NAALADL2: variants seen among roughly 807,000 people sequenced by gnomAD.
NAALADL2 encodes inactive N-acetylated-alpha-linked acidic dipeptidase-like protein 2.
Under a neutral mutation model 87.2 loss-of-function variants are expected in NAALADL2, and 76 were observed. The ratio of observed to expected loss-of-function variants is 0.87; its 90% confidence interval spans 0.72 to 1.05. NAALADL2 has a LOEUF of 1.05. NAALADL2 is among the 50% of genes least tolerant of loss of function. The pLI is 0.00. For synonymous variants in NAALADL2, 354 were observed against 331.0 expected (o/e 1.07, Z -0.75); for missense variants, 1,089 against 945.8 (o/e 1.15, Z -1.99).
intron 5 of NAALADL2, among the ~76,000 whole-genome samples, chr3:175,423,028 A>AAAAATATATATAT (rs1438736874): frequency 9.9e-5 from 11 of 111,300 alleles, no homozygotes; most frequent in African/African-American, 4.1e-4. Flanking sequence ...GAAAAAAAAA[A>AAAAATATATATAT]ATATATATAT....
At chr3:175,112,004 C>T (rs1335831150) in intron 2 of NAALADL2, among the ~76,000 whole-genome samples, 1 of 151,548 alleles carries the variant, frequency 6.6e-6, no homozygotes, top group Non-Finnish European at 1.5e-5. Flanking sequence ...ACACAGTTTC[C>T]TCATTTTTAA....
chr3:174,465,397 A>T (rs1577967754), intron 1 of NAALADL2, among the ~76,000 whole-genome samples: 2 of 152,210 alleles, frequency 1.3e-5, no homozygotes, highest in South Asian at 4.1e-4. Flanking sequence ...CAGAGTTCGT[A>T]TTCACTTATG....
At chr3:175,780,403 A>C (rs890744296) in intron 13 of NAALADL2, among the ~76,000 whole-genome samples, 1 of 152,154 alleles carries the variant, frequency 6.6e-6, no homozygotes, top group Admixed American at 6.5e-5. Flanking sequence ...CACATATGCA[A>C]ATTTGCATAT....
At chr3:175,538,071 G>T (rs1425294850) in intron 9 of NAALADL2, among the ~76,000 whole-genome samples, 1 of 152,090 alleles carries the variant, frequency 6.6e-6, no homozygotes, top group Admixed American at 6.5e-5. Flanking sequence ...TGTTATTGTT[G>T]CCATGTGGTT....
At chr3:174,895,457 C>G (rs1364766590) in intron 1 of NAALADL2, among the ~76,000 whole-genome samples, 1 of 152,082 alleles carries the variant, frequency 6.6e-6, no homozygotes, top group Non-Finnish European at 1.5e-5. Context: ...TAGATACATG[C>G]AACCTACCAA....
intron 5 of NAALADL2, among the ~76,000 whole-genome samples, chr3:175,343,392 C>CAA (rs1409068938): frequency 1.3e-5 from 2 of 151,944 alleles, no homozygotes; most frequent in African/African-American, 4.8e-5. Flanking sequence ...TTTTTCTTAA[C>CAA]AAATTATATG....
At chr3:174,820,267 T>A (rs937880574) in intron 3 of NAALADL2, among the ~76,000 whole-genome samples, 1 of 152,148 alleles carries the variant, frequency 6.6e-6, no homozygotes, top group Non-Finnish European at 1.5e-5. Flanking sequence ...GGAAATAGAA[T>A]TAGTTGATCA....
chr3:175,662,249 T>A (rs182006769), intron 11 of NAALADL2, among the ~76,000 whole-genome samples: 1 of 152,052 alleles, frequency 6.6e-6, no homozygotes, highest in Admixed American at 6.5e-5. Flanking sequence ...TATTTATTTA[T>A]AGCGATTGTA....
intron 2 of NAALADL2, among the ~76,000 whole-genome samples, chr3:174,733,618 C>G (rs999827970): frequency 1.6e-4 from 25 of 152,186 alleles, no homozygotes; most frequent in African/African-American, 5.8e-4. Context: ...AAGGCTCTTT[C>G]TGTTACCGAA....
chr3:174,655,750 A>G (rs1724852529), intron 2 of NAALADL2, among the ~76,000 whole-genome samples: 1 of 152,232 alleles, frequency 6.6e-6, no homozygotes, highest in Non-Finnish European at 1.5e-5. Context: ...TATTAAAAAC[A>G]TACTGTCTAT....
In NAALADL2 at chr3:175,781,038, C is replaced by T. The variant is rs544421131; in HGVS notation, c.2190-21967C>T. On this transcript the variant is annotated intron_variant, in intron 13 of 13. Transcript: ENST00000454872. ...ATTTTTCTGATGAGTAATATTTTTA[C>T]TTTGAAATGTGTAATTTCAATTTGT... is the stretch of plus-strand genomic sequence containing the variant. Among the ~76,000 whole-genome samples, 6 of 152,184 alleles carry T rather than the reference C, an allele frequency of 3.9e-5. No individual in the cohort carries two copies. The South Asian group carries it at 1.2e-3, about 32-fold the overall frequency.
chr3:175,164,616 A>G (rs4894698), intron 2 of NAALADL2, among the ~76,000 whole-genome samples: 72 of 152,306 alleles, frequency 4.7e-4, no homozygotes, highest in Admixed American at 2.6e-3. Context: ...TTTGAATAAT[A>G]TTGGTCACTC....
At chr3:175,570,740 C>T (rs934941783) in intron 9 of NAALADL2, among the ~76,000 whole-genome samples, 1 of 151,820 alleles carries the variant, frequency 6.6e-6, no homozygotes, top group Non-Finnish European at 1.5e-5. Flanking sequence ...ATTAGCCGGG[C>T]GTGGTGGCGG....
intron 5 of NAALADL2, among the ~76,000 whole-genome samples, chr3:175,329,708 A>G (rs1211344685): frequency 6.6e-6 from 1 of 152,170 alleles, no homozygotes. Context: ...CAGGCTTCAG[A>G]TTTACATGTC....
chr3:175,802,328 TG>T (rs5854660), intron 13 of NAALADL2, among the ~76,000 whole-genome samples: 90 of 150,862 alleles, frequency 6.0e-4, no homozygotes, highest in African/African-American at 2.1e-3. Flanking sequence ...GATTTTTTTT[TG>T]GGGGGGGACA....
intron 3 of NAALADL2, 91 bp downstream of exon 3, chr3:175,234,295 A>G: frequency 7.3e-7 from 1 of 1,362,728 alleles, no homozygotes; most frequent in Non-Finnish European, 1.0e-6. Flanking sequence ...TCAAGATGCA[A>G]CATACAAAAG....
At chr3:174,583,222 T>C (rs369065074) in intron 2 of NAALADL2, among the ~76,000 whole-genome samples, 23 of 152,350 alleles carry the variant, frequency 1.5e-4, no homozygotes, top group African/African-American at 5.1e-4. Context: ...GAATCATATA[T>C]AACCTATCAA....
At chr3:174,859,066 G>T (rs148794296), upstream of NAALADL2, among the ~76,000 whole-genome samples, 2 of 152,090 alleles carry the variant, frequency 1.3e-5, no homozygotes, top group East Asian at 3.9e-4. Context: ...GAAGCTTGGT[G>T]TACTGGTAAT....
intron 9 of NAALADL2, among the ~76,000 whole-genome samples, chr3:175,502,483 T>G (rs1729693234): frequency 6.6e-6 from 1 of 152,148 alleles, no homozygotes; most frequent in Non-Finnish European, 1.5e-5. Flanking sequence ...GCTTTGAGAA[T>G]TGAACTGAAA....
Sources: allele counts gnomAD v4.1 joint callset (sites outside exome capture counted in the v4.1 genomes callset), GRCh38; gene constraint gnomAD v4.1.1; transcripts MANE v1.5; gene names NCBI Gene and HGNC (gene_info 2026-07-23, HGNC 2026-07-21).